The following HM13 variants were observed in gnomAD, a reference collection of about 807,000 sequenced individuals.
HM13 encodes signal peptide peptidase.
A neutral mutation model predicts 50.0 loss-of-function variants in HM13; 18 were observed. The ratio of observed to expected loss-of-function variants is 0.36; its 90% confidence interval spans 0.25 to 0.53. The LOEUF is 0.53. Ranked by LOEUF, HM13 falls within the 20% of genes least tolerant of loss-of-function variation. HM13 has a pLI of 0.90. For missense variants in HM13, 393 were observed against 552.4 expected (o/e 0.71, Z 2.89); for synonymous variants, 197 against 232.6 (o/e 0.85, Z 1.39).
intron 7 of HM13, among the ~76,000 whole-genome samples, chr20:31,551,902 G>T (rs1233100264): frequency 6.6e-6 from 1 of 152,136 alleles, no homozygotes; most frequent in Non-Finnish European, 1.5e-5. Flanking sequence ...AGGAAAACAG[G>T]TTTCTCCCAG....
chr20:31,566,193 C>T lies in HM13; in HGVS notation c.949-17C>T, dbSNP rs751052594. 4 of 1,609,316 alleles carry T rather than the reference C, an allele frequency of 2.5e-6. No individual in the cohort carries two copies. The Admixed American group carries it at 6.7e-5, about 27-fold the overall frequency. Reference sequence around the variant, plus strand: ...GCCGTGCCCAGCATGGCTTCACCAGCCTGTGTCCTCTCATAGCCTGCCCTC... The same window carrying T: ...GCCGTGCCCAGCATGGCTTCACCAGTCTGTGTCCTCTCATAGCCTGCCCTC... On this transcript the variant is annotated splice_polypyrimidine_tract_variant and intron_variant, in intron 10 of 12. Transcript: ENST00000398174.
chr20:31,531,887 G>A (rs2122572038), intron 2 of HM13, among the ~76,000 whole-genome samples: 1 of 152,234 alleles, frequency 6.6e-6, no homozygotes, highest in Admixed American at 6.5e-5. Flanking sequence ...CTTGAGCACA[G>A]GAGTTCAAGG....
intron 11 of HM13, 41 bp downstream of exon 11, chr20:31,566,336 T>C (rs1166228373): frequency 1.3e-6 from 2 of 1,526,560 alleles, no homozygotes; most frequent in Non-Finnish European, 1.8e-6. Context: ...TGGGCACCAG[T>C]GTGCCTGCTG....
chr20:31,530,822 C>T (rs1426933772), intron 2 of HM13, among the ~76,000 whole-genome samples: 2 of 152,136 alleles, frequency 1.3e-5, no homozygotes, highest in Non-Finnish European at 2.9e-5. Flanking sequence ...ACACTTCATA[C>T]ACATAATTTG....
At chr20:31,538,104 A>T (rs1399640556) in intron 2 of HM13, 75 bp from the exon 3 acceptor site, 1 of 1,571,232 alleles carries the variant, frequency 6.4e-7, no homozygotes, top group Non-Finnish European at 8.7e-7. Context: ...CCTCCAGAAG[A>T]GACGCAGGGA....
At chr20:31,528,273 A>G (rs887208217) in intron 2 of HM13, among the ~76,000 whole-genome samples, 8 of 152,222 alleles carry the variant, frequency 5.3e-5, no homozygotes, top group African/African-American at 1.9e-4. Context: ...AAATACCACA[A>G]CACAGAAGTA....
chr20:31,534,689 G>A (rs912813177), intron 2 of HM13, among the ~76,000 whole-genome samples: 4 of 152,078 alleles, frequency 2.6e-5, no homozygotes, highest in Non-Finnish European at 5.9e-5. Context: ...GGCTGAGGCA[G>A]GAGGATCACT....
At chr20:31,568,437 G>A (rs1985059769) in intron 12 of HM13, among the ~76,000 whole-genome samples, 1 of 152,238 alleles carries the variant, frequency 6.6e-6, no homozygotes, top group Non-Finnish European at 1.5e-5. Context: ...CACCAGTAAT[G>A]CGGGGCCCAC....
chr20:31,541,073 C>T (rs1008512682), intron 3 of HM13: 4 of 152,002 alleles, frequency 2.6e-5, no homozygotes, highest in African/African-American at 9.7e-5. Context: ...AAACCAACAG[C>T]AGCTAAAACT....
intron 1 of HM13, among the ~76,000 whole-genome samples, chr20:31,515,420 G>C (rs1981712566): frequency 6.6e-6 from 1 of 152,212 alleles, no homozygotes; most frequent in East Asian, 1.9e-4. Context: ...AACTAGGCAT[G>C]GACGTCTTAT....
intron 8 of HM13, among the ~76,000 whole-genome samples, chr20:31,555,401 G>A (rs568138031): frequency 4.0e-5 from 6 of 149,498 alleles, no homozygotes; most frequent in African/African-American, 1.5e-4. Flanking sequence ...GGATCTGCGT[G>A]TGGGTTCTAG....
In HM13 at chr20:31,568,210, G is replaced by A; in HGVS notation, c.1167G>A (p.Gln389=). 2.5e-6 allele frequency: 4 copies of A among 1,612,776 alleles called. No homozygotes were observed. Among genetic ancestry groups the A allele is most frequent in the Non-Finnish European group, 3.4e-6 (4 of 1,179,852 alleles). The change falls in exon 12 of 13, where the codon CAG becomes CAA. Residue 389 remains glutamine (Q), a synonymous_variant. Transcript: ENST00000398174. ...CTGGCCCTCGCCGCCGGCGCCCGCA[G>A]AATCCCAGCGCCATGTAATGCCCAG... ...KLAGPRRRRP[Q]NPSAIYEESN... is the part of the protein sequence containing the mutation.
At chr20:31,568,046 T>C (rs1196741407) in intron 11 of HM13, 32 bp from the exon 12 acceptor site, 2 of 1,549,856 alleles carry the variant, frequency 1.3e-6, no homozygotes, top group Admixed American at 3.8e-5. Context: ...ATCCATCTCT[T>C]TTTTTCTGTC....
intron 3 of HM13, 116 bp downstream of exon 3, chr20:31,538,377 A>C: frequency 6.3e-7 from 1 of 1,582,360 alleles, no homozygotes; most frequent in Non-Finnish European, 8.6e-7. Context: ...TCCTGGCTAT[A>C]AAACTCAAGG....
chr20:31,515,505 C>G (rs886162780), intron 1 of HM13, among the ~76,000 whole-genome samples: 21 of 152,196 alleles, frequency 1.4e-4, no homozygotes, highest in African/African-American at 4.1e-4. Flanking sequence ...TGTTCCTAAC[C>G]TGTAACCCTT....
intron 1 of HM13, among the ~76,000 whole-genome samples, chr20:31,525,765 A>G (rs1422657785): frequency 1.4e-5 from 2 of 146,062 alleles, no homozygotes; most frequent in Non-Finnish European, 3.1e-5. Context: ...ATACCAAAAA[A>G]AAAAGAAAAA....
At chr20:31,542,447 G>A (rs1440072888) in intron 3 of HM13, among the ~76,000 whole-genome samples, 2 of 152,236 alleles carry the variant, frequency 1.3e-5, no homozygotes, top group Non-Finnish European at 2.9e-5. Context: ...GCACCAGGAT[G>A]TGGCTTGTCA....
At chr20:31,525,938 C>T (rs558820605) in intron 1 of HM13, among the ~76,000 whole-genome samples, 39 of 151,814 alleles carry the variant, frequency 2.6e-4, no homozygotes, top group Admixed American at 2.2e-3. Flanking sequence ...CCAGCCTGGC[C>T]GACATTGTGA....
intron 9 of HM13, among the ~76,000 whole-genome samples, chr20:31,560,459 C>CT (rs1291424627): frequency 6.6e-6 from 1 of 152,180 alleles, no homozygotes; most frequent in African/African-American, 2.4e-5. Flanking sequence ...CCATGTGAAA[C>CT]TTAGGTTTTT....
Sources: gnomAD v4.1 joint callset for allele counts (sites outside exome capture counted in the v4.1 genomes callset) on GRCh38, gnomAD v4.1.1 for gene constraint, MANE v1.5 for transcripts, NCBI Gene and HGNC (gene_info 2026-07-23, HGNC 2026-07-21) for gene names.